Variants in SPTBN1 observed in about 807,000 individuals in gnomAD.
SPTBN1 encodes spectrin beta, non-erythrocytic 1.
In SPTBN1, 32 loss-of-function variants were observed where a neutral mutation model predicts 266.4. That is an observed-to-expected ratio of 0.12 (90% confidence interval 0.09 to 0.16). SPTBN1 has a LOEUF of 0.16. Ranked by LOEUF, SPTBN1 falls within the 10% of genes least tolerant of loss-of-function variation. The pLI is 1.00. For missense variants in SPTBN1, 2,296 were observed against 3,067.1 expected (o/e 0.75, Z 5.94); for synonymous variants, 1,336 against 1,162.2 (o/e 1.15, Z -3.04).
At chr2:54,556,464 C>T (rs1019761702) in intron 2 of SPTBN1, among the ~76,000 whole-genome samples, 1 of 152,228 alleles carries the variant, frequency 6.6e-6, no homozygotes, top group African/African-American at 2.4e-5. Flanking sequence ...AAGGGAGATA[C>T]TGAGTGGTGA....
chr2:54,509,803 C>T (rs1311421579), intron 1 of SPTBN1, among the ~76,000 whole-genome samples: 1 of 152,062 alleles, frequency 6.6e-6, no homozygotes, highest in Admixed American at 6.6e-5. Flanking sequence ...GGTAGAAGTC[C>T]AAGATCAAGG....
intron 1 of SPTBN1, among the ~76,000 whole-genome samples, chr2:54,478,857 A>T (rs1432132599): frequency 6.6e-6 from 1 of 152,120 alleles, no homozygotes; most frequent in Non-Finnish European, 1.5e-5. Context: ...AATACACAAT[A>T]CCAGAGATAA....
At chr2:54,562,815 C>T (rs964032197) in intron 2 of SPTBN1, among the ~76,000 whole-genome samples, 3 of 151,890 alleles carry the variant, frequency 2.0e-5, no homozygotes, top group Non-Finnish European at 4.4e-5. Flanking sequence ...GCCTCGGCCT[C>T]CCAAAATGCT....
intron 32 of SPTBN1, chr2:54,662,216 A>T (rs1485597553): frequency 1.1e-5 from 11 of 985,210 alleles, no homozygotes; most frequent in Non-Finnish European, 1.3e-5. Flanking sequence ...TGATCATAGC[A>T]CTGTGATTGC....
chr2:54,529,971 GAT>G (rs1277867942), intron 2 of SPTBN1, among the ~76,000 whole-genome samples: 6 of 150,020 alleles, frequency 4.0e-5, no homozygotes, highest in Non-Finnish European at 5.9e-5. Context: ...ATAGGGGAGT[GAT>G]ACAGTGATAG....
chr2:54,566,172 ATTTTTCT>A (rs1375208644), intron 2 of SPTBN1, among the ~76,000 whole-genome samples: 1 of 141,930 alleles, frequency 7.0e-6, no homozygotes, highest in East Asian at 2.1e-4. Context: ...CATTGTAAGC[ATTTTTCT>A]TTTTTCTTTT....
intron 1 of SPTBN1, among the ~76,000 whole-genome samples, chr2:54,495,535 A>C (rs1261558473): frequency 1.3e-5 from 2 of 152,212 alleles, no homozygotes; most frequent in Non-Finnish European, 2.9e-5. Flanking sequence ...GAAATTAAGG[A>C]AAATACACTT....
intron 2 of SPTBN1, among the ~76,000 whole-genome samples, chr2:54,556,510 C>T (rs1020525134): frequency 2.6e-5 from 4 of 152,168 alleles, no homozygotes; most frequent in African/African-American, 7.2e-5. Flanking sequence ...ATGATTAAAA[C>T]GTTATAAGTT....
chr2:54,479,272 C>T (rs148954715), intron 1 of SPTBN1, among the ~76,000 whole-genome samples: 15 of 152,214 alleles, frequency 9.9e-5, no homozygotes, highest in East Asian at 7.7e-4. Flanking sequence ...CCTTACCAAC[C>T]GCCTCCCCCC....
chr2:54,505,862 C>T (rs1002006476), intron 1 of SPTBN1, among the ~76,000 whole-genome samples: 7 of 152,230 alleles, frequency 4.6e-5, no homozygotes, highest in South Asian at 2.1e-4. Context: ...CGGTGGCTCA[C>T]GCCTGTAATC....
chr2:54,624,166 G>C (rs1421922634), intron 10 of SPTBN1, among the ~76,000 whole-genome samples: 1 of 152,162 alleles, frequency 6.6e-6, no homozygotes, highest in Non-Finnish European at 1.5e-5. Flanking sequence ...AATGGAGGCA[G>C]GGTCTCACTA....
chr2:54,474,256 A>G (rs1254155405), intron 1 of SPTBN1, among the ~76,000 whole-genome samples: 2 of 152,244 alleles, frequency 1.3e-5, no homozygotes, highest in Non-Finnish European at 1.5e-5. Context: ...AAAGATGTCT[A>G]TTGTAACATT....
intron 1 of SPTBN1, among the ~76,000 whole-genome samples, chr2:54,494,837 A>G (rs34493358): frequency 6.6e-6 from 1 of 152,100 alleles, no homozygotes; most frequent in Admixed American, 6.5e-5. Context: ...TTTCACAGGT[A>G]TATACATAGG....
Position 54,646,384 on chromosome 2 carries a change from A to G in SPTBN1, c.4775A>G (p.His1592Arg). 1 of 1,613,292 alleles carries G rather than the reference A, an allele frequency of 6.2e-7. No homozygotes were observed. The highest frequency in any genetic ancestry group is 8.5e-7 in the Non-Finnish European group (1 of 1,179,688). The change falls in exon 23 of 36, where the codon CAC becomes CGC. Residue 1592 changes from histidine (H) to arginine (R), a missense_variant. His to Arg is a conservative substitution (Grantham distance 29). Around this residue, in one of 12 missense-constraint regions of SPTBN1, gnomAD observed 644 missense variants for 745.3 expected, o/e 0.86. Transcript: ENST00000356805. This position sits in a 1 kb window ranked among gnomAD's most constrained non-coding sequence, Gnocchi z 4.4. ...EKRHRRLEEA[H>R]RAQQYYFDAA... ...CGCCACAGGCGGCTGGAGGAGGCGCACAGGGCCCAGCAGTACTACTTTGAC... is the reference window on the plus strand; with the variant it reads ...CGCCACAGGCGGCTGGAGGAGGCGCGCAGGGCCCAGCAGTACTACTTTGAC...
intron 3 of SPTBN1, among the ~76,000 whole-genome samples, chr2:54,609,693 A>G (rs146458194): frequency 5.3e-5 from 8 of 152,052 alleles, no homozygotes; most frequent in Non-Finnish European, 1.2e-4. Flanking sequence ...TGTTGAACTC[A>G]TGGGGTTCTG....
At chr2:54,569,861 T>C (rs1254415689) in intron 2 of SPTBN1, among the ~76,000 whole-genome samples, 3 of 152,142 alleles carry the variant, frequency 2.0e-5, no homozygotes, top group Non-Finnish European at 4.4e-5. Flanking sequence ...CCTTGTAAAC[T>C]TGAGTGCCTC....
At chr2:54,607,147 A>G (rs1229181858) in intron 3 of SPTBN1, among the ~76,000 whole-genome samples, 1 of 152,232 alleles carries the variant, frequency 6.6e-6, no homozygotes, top group Non-Finnish European at 1.5e-5. Flanking sequence ...TTCCATTGCT[A>G]TTATGGTCTG....
chr2:54,501,571 T>C (rs1205261916), intron 1 of SPTBN1, among the ~76,000 whole-genome samples: 1 of 152,202 alleles, frequency 6.6e-6, no homozygotes, highest in East Asian at 1.9e-4. Context: ...CAGCCAGGTG[T>C]AGGTTTGTGG....
In SPTBN1 at chr2:54,506,956, A is replaced by C. The variant is rs1356314652; in HGVS notation, c.-47-19416A>C. Among the ~76,000 whole-genome samples, 4 of 144,164 alleles carry C rather than the reference A, an allele frequency of 2.8e-5. No individual in the cohort carries two copies. In the Admixed American group the frequency reaches 2.9e-4, roughly 11 times the overall value. 94.6% of individuals were successfully genotyped at this position (144,164 alleles called of 152,430 possible). On this transcript the variant is annotated intron_variant, in intron 1 of 35. Transcript: ENST00000356805. ...ACCTGGGTGCAGGCAGGCTGAGTCC[A>C]AAAAAGGAGTCAGCAAAGGGTGGTG...
Sources: gnomAD v4.1 joint callset for allele counts (sites outside exome capture counted in the v4.1 genomes callset) on GRCh38, gnomAD v4.1.1 for gene constraint, gnomAD v4.1.1 regional missense constraint, Gnocchi (gnomAD v3.1) non-coding constraint, MANE v1.5 for transcripts, NCBI Gene and HGNC (gene_info 2026-07-23, HGNC 2026-07-21) for gene names.